MGA: variants seen among roughly 807,000 people sequenced by gnomAD.
MGA encodes MAX gene-associated protein.
MGA carries 40 observed loss-of-function variants against 261.1 expected under a neutral mutation model. The observed-to-expected ratio is 0.15, with a 90% CI of 0.12 to 0.20. The LOEUF (loss-of-function observed/expected upper bound fraction) is 0.20, where lower values mean the gene tolerates loss of function less well. Ranked by LOEUF, MGA falls within the 10% of genes least tolerant of loss-of-function variation. The pLI, the probability that MGA is intolerant of heterozygous loss-of-function variation, is 1.00. For missense variants in MGA, 3,397 were observed against 3,630.5 expected, an observed-to-expected ratio of 0.94 and a Z score of 1.65; for synonymous variants, 1,302 against 1,290.6, an observed-to-expected ratio of 1.01 and a Z score of -0.19.
chr15:41,725,654 T>C (rs1237348027), intron 9 of MGA, among the ~76,000 whole-genome samples: 1 of 16,876 alleles, frequency 5.9e-5, no homozygotes, highest in Non-Finnish European at 1.6e-4. Flanking sequence ...TAAAAAACGG[T>C]GAAACCCCGT....
intron 1 of MGA, among the ~76,000 whole-genome samples, chr15:41,649,847 T>G (rs1246915857): frequency 6.6e-6 from 1 of 151,994 alleles, no homozygotes; most frequent in Non-Finnish European, 1.5e-5. Flanking sequence ...ACCTGGCTAA[T>G]TTTTTTTATT....
intron 1 of MGA, among the ~76,000 whole-genome samples, chr15:41,625,859 C>T (rs1424253825): frequency 3.9e-5 from 6 of 152,122 alleles, no homozygotes; most frequent in South Asian, 2.1e-4. Context: ...ATTATGTGAT[C>T]ACATTTTTGT....
At chr15:41,738,405 A>G (rs995763962) in intron 13 of MGA, among the ~76,000 whole-genome samples, 1 of 152,218 alleles carries the variant, frequency 6.6e-6, no homozygotes, top group African/African-American at 2.4e-5. Flanking sequence ...AAAAGAGAAA[A>G]TAATATTAAT....
intron 10 of MGA, 85 bp from the exon 11 acceptor site, chr15:41,729,079 A>G: frequency 1.4e-5 from 19 of 1,385,952 alleles, no homozygotes; most frequent in Non-Finnish European, 1.9e-5. Flanking sequence ...TTGTAATACA[A>G]AAAAAGATTA....
At chr15:41,741,346 CAAAAAA>C (rs11389766) in intron 14 of MGA, among the ~76,000 whole-genome samples, 3 of 72,340 alleles carry the variant, frequency 4.1e-5, no homozygotes, top group Non-Finnish European at 7.4e-5. Context: ...ACTCCATCTC[CAAAAAA>C]AAAAAAAAAA....
chr15:41,745,045 T>C (rs2062363125), intron 15 of MGA, among the ~76,000 whole-genome samples: 1 of 151,868 alleles, frequency 6.6e-6, no homozygotes, highest in South Asian at 2.1e-4. Flanking sequence ...CGCAGTGGTG[T>C]ATATTATATT....
intron 13 of MGA, 81 bp downstream of exon 13, chr15:41,736,779 C>T: frequency 1.5e-6 from 2 of 1,367,650 alleles, no homozygotes; most frequent in Non-Finnish European, 1.9e-6. Flanking sequence ...CCTTTATGGT[C>T]CTGATATCCT....
At chr15:41,729,831 T>C (rs1466730774) in intron 11 of MGA, among the ~76,000 whole-genome samples, 1 of 151,950 alleles carries the variant, frequency 6.6e-6, no homozygotes, top group Non-Finnish European at 1.5e-5. Flanking sequence ...TGAGACTCTG[T>C]TTCAAAAAAA....
intron 1 of MGA, among the ~76,000 whole-genome samples, chr15:41,653,355 C>T (rs1329318194): frequency 3.4e-5 from 5 of 147,942 alleles, no homozygotes; most frequent in East Asian, 2.0e-4. Flanking sequence ...GGTGACAGAC[C>T]GAGACTCCAT....
chr15:41,685,819 G>A (rs1247106407), intron 2 of MGA, among the ~76,000 whole-genome samples: 2 of 151,746 alleles, frequency 1.3e-5, no homozygotes, highest in African/African-American at 4.8e-5. Flanking sequence ...TGGCTAACAC[G>A]GTGAAACCCC....
intron 11 of MGA, among the ~76,000 whole-genome samples, chr15:41,730,600 T>C (rs1166974209): frequency 6.6e-6 from 1 of 152,182 alleles, no homozygotes; most frequent in African/African-American, 2.4e-5. Context: ...CTATGAATTA[T>C]CAAGAGGAAA....
Position 41,750,082 on chromosome 15 carries a change from A to G in MGA, c.6475A>G (p.Lys2159Glu). 6.2e-7 allele frequency: 1 copy of G among 1,613,220 alleles called. No homozygotes were observed. Among genetic ancestry groups the G allele is most frequent in the Non-Finnish European group, 8.5e-7 (1 of 1,179,684 alleles). Residue 2159 changes from lysine (K) to glutamate (E), a missense_variant, in exon 17 of 24, where the codon AAA becomes GAA. Physicochemically the swap from Lys to Glu is moderately conservative, Grantham distance 56 (BLOSUM62 1). Transcript: ENST00000219905. ...GCAATCTAATCTACAGCCAGAGGCC[A>G]AAGAGAAGGAATGTGGAGACTCTCT...
At chr15:41,753,775 A>C (rs529059255) in intron 17 of MGA, among the ~76,000 whole-genome samples, 1 of 151,884 alleles carries the variant, frequency 6.6e-6, no homozygotes, top group Non-Finnish European at 1.5e-5. Context: ...TCTTTCACCA[A>C]ATTTTATTTT....
At chr15:41,688,233 G>C (rs983166925) in intron 2 of MGA, among the ~76,000 whole-genome samples, 1 of 152,048 alleles carries the variant, frequency 6.6e-6, no homozygotes, top group African/African-American at 2.4e-5. Flanking sequence ...ACACTGCCAT[G>C]CCAACCTAAT....
In MGA at chr15:41,696,788, T is replaced by A; in HGVS notation, c.1778T>A (p.Ile593Asn). The stretch of plus-strand genomic sequence containing the variant: ...AGAAAGAGAACAACTATGCTTAAGA[T>A]TGCAACAGCCGCAAAGGTAGTGAAT... Residue 593 changes from isoleucine (I) to asparagine (N), a missense_variant, in exon 3 of 24, where the codon ATT becomes AAT. Coordinates refer to ENST00000219905, the MANE Select transcript of MGA (RefSeq NM_001164273.2). 1 of 1,606,276 alleles carries A rather than the reference T, an allele frequency of 6.2e-7. No homozygotes were observed.
intron 2 of MGA, chr15:41,691,710 T>G: frequency 2.3e-6 from 1 of 426,186 alleles, no homozygotes; most frequent in South Asian, 1.8e-5. Context: ...TAGTTTTTCT[T>G]TCAACACTTC....
intron 1 of MGA, among the ~76,000 whole-genome samples, chr15:41,652,762 A>T (rs1458179015): frequency 6.6e-6 from 1 of 152,028 alleles, no homozygotes; most frequent in African/African-American, 2.4e-5. Flanking sequence ...GAGCTTTTTG[A>T]GGGGATTTGT....
chr15:41,675,129 T>TA (rs2058306919), intron 2 of MGA, among the ~76,000 whole-genome samples: 1 of 152,230 alleles, frequency 6.6e-6, no homozygotes, highest in African/African-American at 2.4e-5. Context: ...TTGGTGGACA[T>TA]ACGCACTAGT....
intron 2 of MGA, among the ~76,000 whole-genome samples, chr15:41,682,362 T>C (rs1224159800): frequency 6.6e-6 from 1 of 152,230 alleles, no homozygotes; most frequent in Non-Finnish European, 1.5e-5. Flanking sequence ...CTCTTTATTC[T>C]CCTTTGCCAA....
Sources: gnomAD v4.1 joint callset for allele counts (sites outside exome capture counted in the v4.1 genomes callset) on GRCh38, gnomAD v4.1.1 for gene constraint, MANE v1.5 for transcripts, NCBI Gene and HGNC (gene_info 2026-07-23, HGNC 2026-07-21) for gene names.